ABCB1: variants seen among roughly 807,000 people sequenced by gnomAD.
The protein encoded by ABCB1 is ATP-dependent translocase ABCB1.
ABCB1 carries 69 observed loss-of-function variants against 142.0 expected under a neutral mutation model. That is an observed-to-expected ratio of 0.49 (90% CI 0.40 to 0.59). The LOEUF is 0.59. Ranked by LOEUF, ABCB1 falls within the 20% of genes least tolerant of loss-of-function variation. The probability of loss-of-function intolerance (pLI) is 0.00; values close to 1 mark genes in which losing one functional copy is unlikely to be tolerated. For missense variants in ABCB1, 1,326 were observed against 1,554.7 expected (o/e 0.85, Z 2.47); for synonymous variants, 532 against 539.2 (o/e 0.99, Z 0.18).
chr7:87,665,906 C>T (rs1263021988), intron 1 of ABCB1, among the ~76,000 whole-genome samples: 2 of 151,826 alleles, frequency 1.3e-5, no homozygotes, highest in African/African-American at 2.4e-5. Flanking sequence ...TACTCCATGG[C>T]ATATATGTAT....
chr7:87,608,456 A>G (rs1819737135), intron 1 of ABCB1, among the ~76,000 whole-genome samples: 1 of 152,226 alleles, frequency 6.6e-6, no homozygotes, highest in Admixed American at 6.5e-5. Flanking sequence ...ATTATTCTGA[A>G]GATTATTCCT....
At chr7:87,519,517 A>C in intron 22 of ABCB1, 51 bp from the exon 23 acceptor site, 1 of 1,611,556 alleles carries the variant, frequency 6.2e-7, no homozygotes, top group Non-Finnish European at 8.5e-7. Context: ...CTCAGTCCTT[A>C]AAATGTAACT....
intron 1 of ABCB1, among the ~76,000 whole-genome samples, chr7:87,703,913 GGTT>G (rs1829343203): frequency 1.9e-4 from 6 of 31,286 alleles, no homozygotes; most frequent in African/African-American, 7.7e-4. Flanking sequence ...TTTTTTTTTT[GGTT>G]TTTTTTTTTT....
At chr7:87,679,898 C>A (rs907346648) in intron 1 of ABCB1, among the ~76,000 whole-genome samples, 2 of 150,564 alleles carry the variant, frequency 1.3e-5, no homozygotes, top group African/African-American at 4.9e-5. Context: ...TGAAAAATCA[C>A]CAAATGTTTG....
chr7:87,514,480 T>G (rs766589457), intron 25 of ABCB1, among the ~76,000 whole-genome samples: 1 of 152,136 alleles, frequency 6.6e-6, no homozygotes, highest in Non-Finnish European at 1.5e-5. Flanking sequence ...TCTTTTTACA[T>G]TTCCCAAATT....
At chr7:87,519,837 C>T (rs544735527) in intron 22 of ABCB1, among the ~76,000 whole-genome samples, 1 of 152,316 alleles carries the variant, frequency 6.6e-6, no homozygotes, top group East Asian at 1.9e-4. Context: ...ATTCTGCACA[C>T]AGTTACCCAA....
chr7:87,576,267 T>G lies in ABCB1; in HGVS notation c.287-6044A>C, dbSNP rs183666622. Among the ~76,000 whole-genome samples the G allele has an allele frequency of 3.8e-3, 573 of 151,924 alleles. 5 individuals carry two copies. Among genetic ancestry groups the G allele is most frequent in the African/African-American group, 0.013 (557 of 41,462 alleles). ...AAAAATATTATTATACCATATATTA[T>G]TATGGTCTTAGAAAACTGTACTATA... On this transcript the variant is annotated intron_variant, in intron 4 of 27. Coordinates refer to ENST00000622132, the MANE Select transcript of ABCB1 (RefSeq NM_001348946.2).
At chr7:87,575,325 G>A (rs1818227178) in intron 4 of ABCB1, among the ~76,000 whole-genome samples, 1 of 152,116 alleles carries the variant, frequency 6.6e-6, no homozygotes, top group Non-Finnish European at 1.5e-5. Flanking sequence ...ATATTGAAAA[G>A]GTGGTTTTCA....
At chr7:87,631,696 C>G (rs1400173207) in intron 1 of ABCB1, among the ~76,000 whole-genome samples, 1 of 152,102 alleles carries the variant, frequency 6.6e-6, no homozygotes, top group Non-Finnish European at 1.5e-5. Flanking sequence ...CGCCCGGCCT[C>G]TTTATTTTTA....
chr7:87,679,840 A>G (rs1406479072), intron 1 of ABCB1, among the ~76,000 whole-genome samples: 1 of 150,808 alleles, frequency 6.6e-6, no homozygotes, highest in African/African-American at 2.5e-5. Context: ...CATATAAAGT[A>G]TGTTCTCTGT....
chr7:87,700,784 A>C (rs533212294), intron 1 of ABCB1, among the ~76,000 whole-genome samples: 115 of 152,342 alleles, frequency 7.5e-4, no homozygotes, highest in African/African-American at 2.7e-3. Flanking sequence ...TAATGGGTAC[A>C]AAATGTCAAA....
At chr7:87,522,800 T>C (rs1815577011) in intron 21 of ABCB1, among the ~76,000 whole-genome samples, 1 of 152,184 alleles carries the variant, frequency 6.6e-6, no homozygotes, top group African/African-American at 2.4e-5. Context: ...GTTTTTTTCC[T>C]AAGTGCATAA....
intron 27 of ABCB1, among the ~76,000 whole-genome samples, chr7:87,504,795 A>G (rs1253590385): frequency 2.1e-5 from 3 of 144,626 alleles, no homozygotes; most frequent in Admixed American, 6.9e-5. Flanking sequence ...ACAGAGCGAG[A>G]CTCCATCTCA....
At chr7:87,594,604 C>CA (rs1163232111) in intron 3 of ABCB1, among the ~76,000 whole-genome samples, 3 of 152,162 alleles carry the variant, frequency 2.0e-5, no homozygotes, top group Admixed American at 6.5e-5. Context: ...TCTTTCCATA[C>CA]AAGAAAGTAA....
intron 1 of ABCB1, among the ~76,000 whole-genome samples, chr7:87,702,516 G>T (rs1272033866): frequency 6.6e-6 from 1 of 152,084 alleles, no homozygotes; most frequent in African/African-American, 2.4e-5. Flanking sequence ...CTGGCTTCGA[G>T]CAGTCTTTCT....
chr7:87,559,286 A>T (rs747809997), intron 8 of ABCB1, among the ~76,000 whole-genome samples: 11 of 152,044 alleles, frequency 7.2e-5, no homozygotes, highest in Non-Finnish European at 1.6e-4. Context: ...TTATGGGTTT[A>T]CTCAGATCTT....
chr7:87,575,527 C>T (rs1042986042), intron 4 of ABCB1, among the ~76,000 whole-genome samples: 9 of 151,956 alleles, frequency 5.9e-5, no homozygotes, highest in Admixed American at 1.3e-4. Flanking sequence ...CAGGAACTTC[C>T]GTTTTTTTTT....
intron 1 of ABCB1, among the ~76,000 whole-genome samples, chr7:87,606,969 A>C (rs1187097364): frequency 6.6e-6 from 1 of 152,136 alleles, no homozygotes; most frequent in East Asian, 1.9e-4. Context: ...CTAAAACAAG[A>C]AACATTGAGA....
chr7:87,544,379 C>T, intron 16 of ABCB1, 104 bp from the exon 17 acceptor site: 1 of 1,117,648 alleles, frequency 8.9e-7, no homozygotes, highest in Admixed American at 2.0e-5. Flanking sequence ...ATCCTTATTC[C>T]TTATCAATGA....
Sources: gnomAD v4.1 joint callset for allele counts (sites outside exome capture counted in the v4.1 genomes callset) on GRCh38, gnomAD v4.1.1 for gene constraint, MANE v1.5 for transcripts, NCBI Gene and HGNC (gene_info 2026-07-23, HGNC 2026-07-21) for gene names.